The following NELL1 variants were observed in gnomAD, a reference collection of about 807,000 sequenced individuals.
NELL1 encodes protein kinase C-binding protein NELL1.
In NELL1, 76 loss-of-function variants were observed where a neutral mutation model predicts 107.4. The observed-to-expected ratio is 0.71, with a 90% CI of 0.59 to 0.86. The LOEUF (loss-of-function observed/expected upper bound fraction) is 0.86. Ranked by LOEUF, NELL1 falls within the 40% of genes least tolerant of loss-of-function variation. NELL1 has a pLI of 0.00. For missense variants in NELL1, 1,024 were observed against 1,005.5 expected (o/e 1.02, Z -0.25); for synonymous variants, 353 against 341.2 (o/e 1.03, Z -0.38).
chr11:20,763,516 G>C (rs1481463268), intron 2 of NELL1, among the ~76,000 whole-genome samples: 3 of 152,162 alleles, frequency 2.0e-5, no homozygotes, highest in African/African-American at 7.2e-5. Flanking sequence ...ATATCACCCA[G>C]ATACTAAGTG....
chr11:20,930,651 A>T (rs981150963), intron 9 of NELL1, among the ~76,000 whole-genome samples: 1 of 152,148 alleles, frequency 6.6e-6, no homozygotes, highest in Admixed American at 6.6e-5. Flanking sequence ...AAGGCCCTGG[A>T]TACATACAGT....
intron 12 of NELL1, among the ~76,000 whole-genome samples, chr11:21,106,762 A>G (rs1485751153): frequency 1.3e-5 from 2 of 152,184 alleles, no homozygotes; most frequent in Non-Finnish European, 2.9e-5. Context: ...CCTAGGTTCT[A>G]TAGGCATTTG....
chr11:20,731,084 T>C (rs1254730430), intron 2 of NELL1, among the ~76,000 whole-genome samples: 2 of 46,284 alleles, frequency 4.3e-5, no homozygotes, highest in African/African-American at 1.0e-4. Context: ...GAGTCAGGAT[T>C]CTATGATAAT....
At chr11:21,070,537 G>A (rs76063516) in intron 12 of NELL1, among the ~76,000 whole-genome samples, 3,232 of 152,204 alleles carry the variant, frequency 0.021, 103 homozygotes, top group South Asian at 0.13. Context: ...TTCTGCTACT[G>A]AAATTGAACA....
chr11:21,505,417 T>A (rs1855254890), intron 15 of NELL1, among the ~76,000 whole-genome samples: 1 of 152,164 alleles, frequency 6.6e-6, no homozygotes, highest in Admixed American at 6.5e-5. Flanking sequence ...GATTTCCCAT[T>A]ATCTACTGGA....
chr11:21,458,138 AAAAC>A (rs1310635843), intron 15 of NELL1, among the ~76,000 whole-genome samples: 1 of 152,214 alleles, frequency 6.6e-6, no homozygotes, highest in Admixed American at 6.5e-5. Context: ...TTTAGTAGGT[AAAAC>A]ACTTAAATAT....
intron 13 of NELL1, among the ~76,000 whole-genome samples, chr11:21,144,522 T>C (rs1042007920): frequency 2.6e-5 from 4 of 152,132 alleles, no homozygotes; most frequent in Non-Finnish European, 4.4e-5. Flanking sequence ...AGACAGGAGA[T>C]AAAGGTTTTG....
At chr11:21,468,871 G>A (rs1854100495) in intron 15 of NELL1, among the ~76,000 whole-genome samples, 1 of 152,048 alleles carries the variant, frequency 6.6e-6, no homozygotes, top group Non-Finnish European at 1.5e-5. Flanking sequence ...ACTTAAGAAT[G>A]AGCCAAGGTT....
chr11:21,132,090 T>C (rs947251806), intron 13 of NELL1, among the ~76,000 whole-genome samples: 4 of 152,186 alleles, frequency 2.6e-5, no homozygotes, highest in South Asian at 4.1e-4. Context: ...TTGTTTAAAC[T>C]GGTGCCCACA....
At chr11:21,370,686 G>C (rs1203436345) in intron 14 of NELL1, among the ~76,000 whole-genome samples, 167 bp from the exon 15 acceptor site, 1 of 152,028 alleles carries the variant, frequency 6.6e-6, no homozygotes, top group East Asian at 1.9e-4. Context: ...CAGTGAAATA[G>C]GTATTATTAC....
intron 4 of NELL1, among the ~76,000 whole-genome samples, chr11:20,850,272 G>A (rs1336363123): frequency 6.6e-6 from 1 of 152,138 alleles, no homozygotes; most frequent in Non-Finnish European, 1.5e-5. Flanking sequence ...CACAGAGAGT[G>A]AATTTCAGCT....
intron 15 of NELL1, among the ~76,000 whole-genome samples, chr11:21,459,165 G>A (rs1255059797): frequency 6.6e-6 from 1 of 151,894 alleles, no homozygotes; most frequent in Admixed American, 6.6e-5. Flanking sequence ...TCACTGTGGG[G>A]ACATTGAGGG....
Position 21,575,157 on chromosome 11 carries a change from G to A in NELL1, c.*135G>A. On this transcript the variant is annotated 3_prime_UTR_variant, in exon 20 of 20. Coordinates refer to ENST00000357134, the MANE Select transcript of NELL1 (RefSeq NM_006157.5). ...CAGATAATTGCCAAAGTTTCCACCT[G>A]AGGACGGTGTTTGGAGGTTGCCTTT... 1 of 792,614 alleles carries A rather than the reference G, an allele frequency of 1.3e-6. No homozygotes were observed. The highest frequency in any genetic ancestry group is 2.1e-6 in the Non-Finnish European group (1 of 476,708). 49.1% of individuals were successfully genotyped at this position (792,614 alleles called of 1,614,324 possible). A position where few individuals can be genotyped will look rare whatever the true frequency, so the allele number is the denominator to read the frequency against.
At chr11:21,472,273 A>G (rs1157213198) in intron 15 of NELL1, among the ~76,000 whole-genome samples, 1 of 151,800 alleles carries the variant, frequency 6.6e-6, no homozygotes, top group Non-Finnish European at 1.5e-5. Context: ...TAATGAGCAA[A>G]CCCTCCTCTG....
At chr11:20,786,964 C>T (rs1303767577) in intron 3 of NELL1, among the ~76,000 whole-genome samples, 3 of 136,848 alleles carry the variant, frequency 2.2e-5, no homozygotes, top group East Asian at 4.8e-4. Flanking sequence ...GCCGAGATGG[C>T]GCCACTGCAC....
intron 14 of NELL1, among the ~76,000 whole-genome samples, chr11:21,338,776 TTTATA>T (rs1195312972): frequency 6.6e-6 from 1 of 152,144 alleles, no homozygotes; most frequent in Non-Finnish European, 1.5e-5. Context: ...GAGCAAAATG[TTTATA>T]AAGCATGGAA....
chr11:20,960,887 T>C (rs1851276574), intron 12 of NELL1, among the ~76,000 whole-genome samples: 1 of 152,242 alleles, frequency 6.6e-6, no homozygotes, highest in Non-Finnish European at 1.5e-5. Flanking sequence ...TCTTATTTGA[T>C]GAGATTGCCA....
chr11:20,876,320 G>A (rs992948773), intron 4 of NELL1, among the ~76,000 whole-genome samples: 8 of 152,174 alleles, frequency 5.3e-5, no homozygotes, highest in Non-Finnish European at 7.3e-5. Flanking sequence ...TTTTCTGAGT[G>A]TCATCTGGAT....
At chr11:21,021,888 G>T (rs572524539) in intron 12 of NELL1, among the ~76,000 whole-genome samples, 2 of 152,034 alleles carry the variant, frequency 1.3e-5, no homozygotes, top group Non-Finnish European at 2.9e-5. Flanking sequence ...CTACTCTGGC[G>T]TTGAAGAATA....
Sources: gnomAD v4.1 joint callset for allele counts (sites outside exome capture counted in the v4.1 genomes callset) on GRCh38, gnomAD v4.1.1 for gene constraint, MANE v1.5 for transcripts, NCBI Gene and HGNC (gene_info 2026-07-23, HGNC 2026-07-21) for gene names.